GLYR1: variants seen among roughly 807,000 people sequenced by gnomAD.
GLYR1 encodes cytokine-like nuclear factor N-PAC.
GLYR1 carries 21 observed loss-of-function variants against 72.7 expected under a neutral mutation model. That is an observed-to-expected ratio of 0.29 (90% CI 0.20 to 0.42). The LOEUF is 0.42. Ranked by LOEUF, GLYR1 falls within the 10% of genes least tolerant of loss-of-function variation. GLYR1 has a pLI of 1.00. For missense variants in GLYR1, 594 were observed against 712.1 expected (o/e 0.83, Z 1.89); for synonymous variants, 392 against 270.2 (o/e 1.45, Z -4.42).
At position 4,812,256 on chromosome 16, in the gene GLYR1, G is replaced by A; in HGVS notation, c.1120-8C>T. The A allele has an allele frequency of 1.9e-6, 3 of 1,610,710 alleles. No homozygotes were observed. The highest frequency in any genetic ancestry group is 2.5e-6 in the Non-Finnish European group (3 of 1,179,254). The stretch of plus-strand genomic sequence containing the variant: ...CCCCCTGGACACAATCACCTGGAAA[G>A]AAAAGTCACAGCTTCTGGAGGCCTC... On this transcript the variant is annotated splice_region_variant and splice_polypyrimidine_tract_variant and intron_variant, in intron 12 of 15. Transcript: ENST00000321919.
chr16:4,839,247 CTTTAAATTTTTTATT>C, intron 3 of GLYR1: 1 of 152,210 alleles, frequency 6.6e-6, no homozygotes, highest in Non-Finnish European at 1.5e-5. Flanking sequence ...GGCATGGTAG[CTTTAAATTTTTTATT>C]TTTAAATTTT....
chr16:4,823,790 A>G (rs2084200164), intron 6 of GLYR1, 31 bp downstream of exon 6: 2 of 1,574,086 alleles, frequency 1.3e-6, no homozygotes, highest in Admixed American at 1.7e-5. Flanking sequence ...CCTAAGCCAC[A>G]GCTTGTCCTG....
At chr16:4,844,820 C>T (rs1042376017) in intron 3 of GLYR1, among the ~76,000 whole-genome samples, 1 of 152,180 alleles carries the variant, frequency 6.6e-6, no homozygotes, top group Non-Finnish European at 1.5e-5. Flanking sequence ...GAAACTGTTT[C>T]AATGTGATTG....
chr16:4,836,878 C>T (rs1173099903), intron 3 of GLYR1, among the ~76,000 whole-genome samples: 1 of 151,886 alleles, frequency 6.6e-6, no homozygotes, highest in African/African-American at 2.4e-5. Context: ...CAGGCTATGC[C>T]GACTGCCCAG....
chr16:4,844,038 C>T (rs764171845), intron 3 of GLYR1: 5 of 151,500 alleles, frequency 3.3e-5, no homozygotes, highest in African/African-American at 7.4e-5. Flanking sequence ...CACTTGTACC[C>T]GAGAGGTGGA....
chr16:4,846,069 G>C (rs2086019688), intron 2 of GLYR1, 105 bp downstream of exon 2: 1 of 1,263,846 alleles, frequency 7.9e-7, no homozygotes, highest in African/African-American at 1.5e-5. Flanking sequence ...CCATCTGAAT[G>C]AGCCCAATTT....
intron 5 of GLYR1, among the ~76,000 whole-genome samples, chr16:4,826,676 T>G (rs117183064): frequency 6.6e-6 from 1 of 152,230 alleles, no homozygotes; most frequent in African/African-American, 2.4e-5. Context: ...TATTCTGCAA[T>G]GATGGGCGTG....
intron 11 of GLYR1, chr16:4,814,064 TA>T (rs77652993): frequency 0.12 from 37,747 of 313,160 alleles, 85 homozygotes; most frequent in East Asian, 0.18. Context: ...TCTTTTTATT[TA>T]AAAAAAAAAA....
intron 9 of GLYR1, among the ~76,000 whole-genome samples, chr16:4,820,825 T>G (rs1376396031): frequency 1.3e-5 from 2 of 152,208 alleles, no homozygotes; most frequent in Non-Finnish European, 2.9e-5. Context: ...AAGTTGGGTC[T>G]GGGAGCATGT....
chr16:4,811,595 G>C (rs1466856023), intron 14 of GLYR1, 28 bp downstream of exon 14: 2 of 1,611,734 alleles, frequency 1.2e-6, no homozygotes, highest in East Asian at 2.2e-5. Context: ...AACACCAAAT[G>C]CAAGAAGAGG....
chr16:4,841,098 T>C (rs1450600819), intron 3 of GLYR1, among the ~76,000 whole-genome samples: 1 of 152,190 alleles, frequency 6.6e-6, no homozygotes, highest in Non-Finnish European at 1.5e-5. Flanking sequence ...AGCAGTTGCT[T>C]TGTATCCCAC....
intron 5 of GLYR1, among the ~76,000 whole-genome samples, chr16:4,830,673 T>C (rs560708465): frequency 2.2e-4 from 33 of 152,334 alleles, no homozygotes; most frequent in African/African-American, 7.7e-4. Flanking sequence ...TTTATCCTGC[T>C]GTTGACAATC....
At chr16:4,805,551 A>G (rs539188311) in intron 15 of GLYR1, among the ~76,000 whole-genome samples, 5 of 152,374 alleles carry the variant, frequency 3.3e-5, no homozygotes, top group African/African-American at 9.6e-5. Context: ...GAAATACACT[A>G]TGGGATATAA....
chr16:4,807,732 A>G (rs1320210158), intron 15 of GLYR1, among the ~76,000 whole-genome samples: 1 of 152,246 alleles, frequency 6.6e-6, no homozygotes, highest in African/African-American at 2.4e-5. Context: ...AAGCTTTCCC[A>G]GCCCAAGCCA....
rs1397295880 is a variant in GLYR1, at chr16:4,804,982, C to T, written c.*254G>A. 1 of 538,868 alleles carries T rather than the reference C, an allele frequency of 1.9e-6. No homozygotes were observed. Among genetic ancestry groups the T allele is most frequent in the African/African-American group, 2.0e-5 (1 of 50,558 alleles). The allele number at this position is 538,868 out of a possible 1,614,324, so 33.4% of individuals were successfully genotyped here. A position where few individuals can be genotyped will look rare whatever the true frequency, so the allele number is the denominator to read the frequency against. ...GTGTGTGTGTGTGTGAACACACAGCCACCTCGTCCGGGGGGCCAGTGCCCA... is the reference window on the plus strand; with the variant it reads ...GTGTGTGTGTGTGTGAACACACAGCTACCTCGTCCGGGGGGCCAGTGCCCA... On this transcript the variant is annotated 3_prime_UTR_variant, in exon 16 of 16. Coordinates refer to ENST00000321919, the MANE Select transcript of GLYR1 (RefSeq NM_032569.4).
intron 1 of GLYR1, chr16:4,847,008 G>A (rs1390705804): frequency 3.6e-6 from 2 of 555,996 alleles, no homozygotes; most frequent in Non-Finnish European, 3.2e-6. Flanking sequence ...CCGGCCTCGG[G>A]GATCAAAGCC....
intron 7 of GLYR1, chr16:4,821,808 T>C: frequency 1.6e-6 from 1 of 616,764 alleles, no homozygotes; most frequent in Non-Finnish European, 2.9e-6. Context: ...TTGCTGACCA[T>C]GGTGTTGAGA....
intron 15 of GLYR1, among the ~76,000 whole-genome samples, chr16:4,810,056 T>A (rs2083237796): frequency 6.6e-6 from 1 of 152,132 alleles, no homozygotes. Context: ...AAACACTAGA[T>A]AAACTTTTAA....
chr16:4,805,703 C>T (rs1043068488), intron 15 of GLYR1, among the ~76,000 whole-genome samples: 1 of 152,050 alleles, frequency 6.6e-6, no homozygotes, highest in African/African-American at 2.4e-5. Flanking sequence ...TAGGGCCAGG[C>T]GCAGTGGCTC....
Sources: allele counts gnomAD v4.1 joint callset (sites outside exome capture counted in the v4.1 genomes callset), GRCh38; gene constraint gnomAD v4.1.1; transcripts MANE v1.5; gene names NCBI Gene and HGNC (gene_info 2026-07-23, HGNC 2026-07-21).